The following HDGFL3 variants were observed in gnomAD, a reference collection of about 807,000 sequenced individuals.
HDGFL3 encodes HDGF like 3.
HDGFL3 carries 6 observed loss-of-function variants against 27.6 expected under a neutral mutation model. That is an observed-to-expected ratio of 0.22 (90% confidence interval 0.12 to 0.43). The LOEUF (loss-of-function observed/expected upper bound fraction) is 0.43. Among genes scored for constraint, HDGFL3 ranks in the 20% least tolerant of loss-of-function variants. The pLI, the probability that HDGFL3 is intolerant of heterozygous loss-of-function variation, is 1.00. For missense variants in HDGFL3, 207 were observed against 250.1 expected (o/e 0.83, Z 1.16); for synonymous variants, 88 against 88.9 (o/e 0.99, Z 0.05).
chr15:83,191,662 G>C (rs1225059778), intron 1 of HDGFL3, among the ~76,000 whole-genome samples: 1 of 152,112 alleles, frequency 6.6e-6, no homozygotes, highest in Admixed American at 6.6e-5. Flanking sequence ...TGTTATTAAG[G>C]TGAGGAAAAC....
Position 83,136,398 on chromosome 15 carries a change from C to A in HDGFL3, c.*2872G>T. 1 of 1,247,460 alleles carries A rather than the reference C, an allele frequency of 8.0e-7. No homozygotes were observed. Among genetic ancestry groups the A allele is most frequent in the Non-Finnish European group, 1.1e-6 (1 of 919,558 alleles). The allele number at this position is 1,247,460 out of a possible 1,614,324, so 77.3% of individuals were successfully genotyped here. A position where few individuals can be genotyped will look rare whatever the true frequency, so the allele number is the denominator to read the frequency against. On this transcript the variant is annotated 3_prime_UTR_variant, in exon 6 of 6. Transcript: ENST00000299633. ...GGTTTTGAGGGCACAGAAACGTAGC[C>A]TGAATGAACCATTCAGAACTCATCA... is the stretch of plus-strand genomic sequence containing the variant.
intron 1 of HDGFL3, among the ~76,000 whole-genome samples, chr15:83,178,703 G>C (rs1386724404): frequency 2.6e-5 from 4 of 152,032 alleles, no homozygotes; most frequent in African/African-American, 7.2e-5. Flanking sequence ...ATAGAGCTAA[G>C]TTTCTTTTAG....
chr15:83,194,807 T>C (rs2037550347), intron 1 of HDGFL3, among the ~76,000 whole-genome samples: 1 of 152,192 alleles, frequency 6.6e-6, no homozygotes, highest in African/African-American at 2.4e-5. Flanking sequence ...GCAAGTCAGT[T>C]GGTAAAAGAG....
At chr15:83,202,618 C>T (rs2037661477) in intron 1 of HDGFL3, among the ~76,000 whole-genome samples, 1 of 152,108 alleles carries the variant, frequency 6.6e-6, no homozygotes, top group African/African-American at 2.4e-5. Flanking sequence ...TATTAGTTCT[C>T]CTTTCTCCCT....
At chr15:83,155,076 G>T (rs1165891793) in intron 4 of HDGFL3, among the ~76,000 whole-genome samples, 1 of 152,008 alleles carries the variant, frequency 6.6e-6, no homozygotes, top group African/African-American at 2.4e-5. Context: ...TGTTGCCCAG[G>T]CTGGTCTCAA....
Position 83,169,414 on chromosome 15 carries a change from C to CAAAAAAAAAAAAAAAAAAAAA in HDGFL3, c.85-5360_85-5340dup, listed in dbSNP as rs58159581. Among the ~76,000 whole-genome samples, 23 of 35,576 alleles carry CAAAAAAAAAAAAAAAAAAAAA rather than the reference C, an allele frequency of 6.5e-4. 1 individual carries two copies. The highest frequency in any genetic ancestry group is 1.5e-3 in the Admixed American group (3 of 2,044). 23.3% of individuals were successfully genotyped at this position (35,576 alleles called of 152,430 possible). A position where few individuals can be genotyped will look rare whatever the true frequency, so the allele number is the denominator to read the frequency against. On this transcript the variant is annotated intron_variant, in intron 1 of 5. Transcript: ENST00000299633. ...TGGGCGACAGAGCGAGACTCCGTCT[C>CAAAAAAAAAAAAAAAAAAAAA]AAAAAAAAAAAAAAAAAAAAAAAAA... is the stretch of plus-strand genomic sequence containing the variant.
chr15:83,184,928 A>C (rs2037422759), intron 1 of HDGFL3: 1 of 152,244 alleles, frequency 6.6e-6, no homozygotes, highest in Admixed American at 6.5e-5. Flanking sequence ...GTACAACAAC[A>C]AACAGTTTTG....
intron 5 of HDGFL3, among the ~76,000 whole-genome samples, chr15:83,142,363 T>G (rs771936777): frequency 2.0e-5 from 3 of 151,896 alleles, no homozygotes; most frequent in Non-Finnish European, 4.4e-5. Flanking sequence ...AGTGAGAGCA[T>G]GTCTTTTGTG....
In HDGFL3 at chr15:83,206,548, C is replaced by T. The variant is rs150846985; in HGVS notation, c.84+783G>A. ...GCTTTCTAGAAAAAGAGCCCAACGACAACCTTGTTATGTAGGAAGAGAGAG... is the reference window on the plus strand; with the variant it reads ...GCTTTCTAGAAAAAGAGCCCAACGATAACCTTGTTATGTAGGAAGAGAGAG... On this transcript the variant is annotated intron_variant, in intron 1 of 5. Transcript: ENST00000299633. Among the ~76,000 whole-genome samples the T allele has an allele frequency of 2.0e-3, 304 of 152,340 alleles. 1 individual carries two copies. Among genetic ancestry groups the T allele is most frequent in the African/African-American group, 7.0e-3 (290 of 41,584 alleles).
rs773328097 is a variant in HDGFL3, at chr15:83,136,546, A to C, written c.*2724T>G. ...CTGCTTATGTCTACAGAGTCCCTGAAGAAGCAAAAATCCTTTTTTTAGCAT... is the reference window on the plus strand; with the variant it reads ...CTGCTTATGTCTACAGAGTCCCTGACGAAGCAAAAATCCTTTTTTTAGCAT... On this transcript the variant is annotated 3_prime_UTR_variant, in exon 6 of 6. Transcript: ENST00000299633. 5 of 1,613,886 alleles carry C rather than the reference A, an allele frequency of 3.1e-6. No individual in the cohort carries two copies. The highest frequency in any genetic ancestry group is 3.4e-6 in the Non-Finnish European group (4 of 1,179,914).
intron 1 of HDGFL3, among the ~76,000 whole-genome samples, chr15:83,173,789 C>T (rs2037275122): frequency 6.6e-6 from 1 of 152,088 alleles, no homozygotes; most frequent in African/African-American, 2.4e-5. Flanking sequence ...CTTTACAGGT[C>T]CCATAAGTAA....
intron 3 of HDGFL3, among the ~76,000 whole-genome samples, chr15:83,121,156 T>C (rs4843071): frequency 0.95 from 144,120 of 152,028 alleles, 68,365 homozygotes; most frequent in East Asian, 1. Flanking sequence ...CTGTAACCTC[T>C]GCCTCCCAGG....
intron 1 of HDGFL3, among the ~76,000 whole-genome samples, chr15:83,174,302 T>A (rs916865073): frequency 1.3e-5 from 2 of 152,170 alleles, no homozygotes; most frequent in African/African-American, 4.8e-5. Flanking sequence ...CTGAATCCTG[T>A]CAATTTAACC....
chr15:83,127,196 AAAAT>A (rs1011135596), downstream of HDGFL3, among the ~76,000 whole-genome samples: 4 of 151,640 alleles, frequency 2.6e-5, no homozygotes, highest in Middle Eastern at 3.2e-3. Context: ...TCCACCTAAA[AAAAT>A]AAATAAATAA....
At chr15:83,147,349 C>T (rs1185096094) in intron 5 of HDGFL3, among the ~76,000 whole-genome samples, 2 of 151,994 alleles carry the variant, frequency 1.3e-5, no homozygotes, top group Non-Finnish European at 2.9e-5. Context: ...TGTGAGCCAC[C>T]GCACCTGGCC....
At chr15:83,126,221 G>A (rs1432098091), downstream of HDGFL3, among the ~76,000 whole-genome samples, 1 of 152,168 alleles carries the variant, frequency 6.6e-6, no homozygotes, top group Non-Finnish European at 1.5e-5. Flanking sequence ...TGCCTGAGGG[G>A]AGGAAGGTGA....
chr15:83,146,263 T>C (rs186040098), intron 5 of HDGFL3, among the ~76,000 whole-genome samples: 2 of 152,250 alleles, frequency 1.3e-5, no homozygotes, highest in African/African-American at 4.8e-5. Flanking sequence ...AGCAAAATTA[T>C]GTAGGCATTT....
intron 1 of HDGFL3, among the ~76,000 whole-genome samples, chr15:83,177,025 C>A (rs2037321291): frequency 6.9e-6 from 1 of 145,468 alleles, no homozygotes; most frequent in Non-Finnish European, 1.5e-5. Context: ...CCAAGCAATT[C>A]TCCTGCCTCA....
exon 4 of HDGFL3, chr15:83,112,880 C>T: frequency 6.2e-7 from 1 of 1,613,968 alleles, no homozygotes; most frequent in Non-Finnish European, 8.5e-7. Context: ...AGAAAACCAC[C>T]CCGGGACCCA....
Sources: gnomAD v4.1 joint callset for allele counts (sites outside exome capture counted in the v4.1 genomes callset) on GRCh38, gnomAD v4.1.1 for gene constraint, MANE v1.5 for transcripts, NCBI Gene and HGNC (gene_info 2026-07-23, HGNC 2026-07-21) for gene names.